KYNU: variants seen among roughly 807,000 people sequenced by gnomAD.
KYNU encodes kynureninase, also known as L-kynurenine hydrolase.
A neutral mutation model predicts 59.2 loss-of-function variants in KYNU; 54 were observed. That is an observed-to-expected ratio of 0.91 (90% CI 0.73 to 1.14). KYNU has a LOEUF of 1.14. Ranked by LOEUF, KYNU falls within the 50% of genes most tolerant of loss-of-function variation. The probability of loss-of-function intolerance (pLI) is 0.00; values close to 1 mark genes in which losing one functional copy is unlikely to be tolerated. For missense variants in KYNU, 567 were observed against 554.4 expected, an observed-to-expected ratio of 1.02 and a Z score of -0.23; for synonymous variants, 177 against 192.0, an observed-to-expected ratio of 0.92 and a Z score of 0.65.
At chr2:142,921,798 C>A (rs1328754691) in intron 3 of KYNU, among the ~76,000 whole-genome samples, 1 of 148,024 alleles carries the variant, frequency 6.8e-6, no homozygotes, top group Non-Finnish European at 1.5e-5. Context: ...TACAGCAAGA[C>A]CATGTCTTTA....
rs141632644 is a variant in KYNU, at chr2:142,960,766, C to T, written c.725C>T (p.Ala242Val). The T allele has an allele frequency of 9.1e-5, 147 of 1,613,606 alleles. No individual in the cohort carries two copies. The highest frequency in any genetic ancestry group is 1.7e-4 in the Admixed American group (10 of 59,974). ...NIPAITKAGQAKGCYVGFDLA... is the reference protein window; with the variant it reads ...NIPAITKAGQVKGCYVGFDLA... ...CCTGCCATCACAAAAGCTGGACAAGCGAAGGTATGCACGCCATTTACTTCT... is the reference window on the plus strand; with the variant it reads ...CCTGCCATCACAAAAGCTGGACAAGTGAAGGTATGCACGCCATTTACTTCT... Residue 242 changes from alanine to valine, a missense_variant, in exon 8 of 14, where the codon GCG becomes GTG. Ala to Val is a moderately conservative substitution (Grantham distance 64). Transcript: ENST00000264170.
At position 143,053,616 on chromosome 2, in the gene KYNU, ATCT is replaced by A. The variant is rs1687304804; in HGVS notation, c.*11445_*11447del. On this transcript the variant is annotated 3_prime_UTR_variant, in exon 14 of 14. Transcript: ENST00000264170. ...CATGATGGTGAGTAAGTCTCATGAG[ATCT>A]GATGGTTTTATAAAGGGGAGTTTCC... is the stretch of plus-strand genomic sequence containing the variant. The A allele has an allele frequency of 6.6e-6, 1 of 152,012 alleles. No homozygotes were observed. Among genetic ancestry groups the A allele is most frequent in the Non-Finnish European group, 1.5e-5 (1 of 68,080 alleles). 9.4% of individuals were successfully genotyped at this position (152,012 alleles called of 1,614,324 possible).
chr2:142,885,509 A>T lies in KYNU; in HGVS notation c.142A>T (p.Ile48Phe), dbSNP rs762184984. The T allele has an allele frequency of 7.4e-6, 12 of 1,613,652 alleles. No individual in the cohort carries two copies. The highest frequency in any genetic ancestry group is 3.3e-5 in the Admixed American group (2 of 59,998). ...KLRHFRECFYIPKIQDLPPVD... is the reference protein window; with the variant it reads ...KLRHFRECFYFPKIQDLPPVD... ...GAGGCACTTCAGGGAGTGCTTTTAT[A>T]TTCCCAAAATACAGGATCTGCCTCC... The change falls in exon 2 of 14, where the codon ATT (isoleucine) becomes TTT (phenylalanine). Residue 48 changes from isoleucine (I) to phenylalanine (F), a missense_variant. By Grantham distance (21) the Ile-to-Phe change is conservative. Coordinates refer to ENST00000264170, the MANE Select transcript of KYNU (RefSeq NM_003937.3).
intron 2 of KYNU, among the ~76,000 whole-genome samples, chr2:142,903,884 T>C (rs948813965): frequency 6.6e-6 from 1 of 152,206 alleles, no homozygotes; most frequent in Non-Finnish European, 1.5e-5. Context: ...CTATTAGGCA[T>C]TCAATTTGTC....
chr2:142,881,916 C>CTTTTTTTTTTTTTTTTTTTT (rs869099302), intron 1 of KYNU, among the ~76,000 whole-genome samples: 1 of 113,170 alleles, frequency 8.8e-6, no homozygotes, highest in African/African-American at 3.4e-5. Context: ...TTTCTTTTTT[C>CTTTTTTTTTTTTTTTTTTTT]TTTTTTTTTT....
chr2:143,031,817 T>G (rs542980451), intron 11 of KYNU, among the ~76,000 whole-genome samples: 29 of 152,330 alleles, frequency 1.9e-4, no homozygotes, highest in South Asian at 1.4e-3. Context: ...AGATACCACC[T>G]GAGACTCAGT....
At chr2:142,994,240 C>T (rs189056904) in intron 10 of KYNU, among the ~76,000 whole-genome samples, 1 of 152,074 alleles carries the variant, frequency 6.6e-6, no homozygotes, top group Non-Finnish European at 1.5e-5. Flanking sequence ...AGCAGCATTG[C>T]GAGCTGCCTC....
At chr2:142,905,732 T>C (rs969302477) in intron 2 of KYNU, among the ~76,000 whole-genome samples, 1 of 152,344 alleles carries the variant, frequency 6.6e-6, no homozygotes, top group Admixed American at 6.5e-5. Context: ...CAGTTACCGC[T>C]ACTGATTGAA....
chr2:142,900,742 C>T (rs1299533223), intron 2 of KYNU, among the ~76,000 whole-genome samples: 3 of 152,154 alleles, frequency 2.0e-5, no homozygotes, highest in Non-Finnish European at 2.9e-5. Flanking sequence ...GATGATTGCT[C>T]TAACTGCTTC....
Position 143,023,808 on chromosome 2 carries a change from CA to C in KYNU, c.903-5810del, listed in dbSNP as rs1024230706. On this transcript the variant is annotated intron_variant, in intron 10 of 13. Coordinates refer to ENST00000264170, the MANE Select transcript of KYNU (RefSeq NM_003937.3). ...CTAAATAAAAAATAAGTAAATTACT[CA>C]AAAAAAAAGCAAATCATCTCATGTT... is the stretch of plus-strand genomic sequence containing the variant. Among the ~76,000 whole-genome samples, 298 of 147,770 alleles carry C rather than the reference CA, an allele frequency of 2.0e-3. 1 individual carries two copies. The highest frequency in any genetic ancestry group is 6.7e-3 in the African/African-American group (270 of 40,368).
At chr2:142,969,564 TTC>T (rs1684654060) in intron 8 of KYNU, among the ~76,000 whole-genome samples, 1 of 152,212 alleles carries the variant, frequency 6.6e-6, no homozygotes, top group Non-Finnish European at 1.5e-5. Context: ...CTAAGAAGTC[TTC>T]ATCAGGTGTT....
intron 2 of KYNU, among the ~76,000 whole-genome samples, chr2:142,892,685 A>T (rs1681752860): frequency 6.6e-6 from 1 of 152,230 alleles, no homozygotes; most frequent in African/African-American, 2.4e-5. Context: ...CTGATTTAGT[A>T]GTAGGAGAGG....
At chr2:142,931,016 T>C (rs556543250) in intron 4 of KYNU, among the ~76,000 whole-genome samples, 2 of 152,338 alleles carry the variant, frequency 1.3e-5, no homozygotes, top group East Asian at 1.9e-4. Flanking sequence ...GGAAGTGTTC[T>C]AGTCTGACAT....
intron 8 of KYNU, among the ~76,000 whole-genome samples, chr2:142,978,815 A>G (rs981484783): frequency 6.6e-6 from 1 of 152,180 alleles, no homozygotes; most frequent in Admixed American, 6.6e-5. Context: ...ACTATTTTTC[A>G]TACCAAATTT....
intron 5 of KYNU, among the ~76,000 whole-genome samples, chr2:142,955,073 T>G (rs540827832): frequency 6.6e-6 from 1 of 152,164 alleles, no homozygotes; most frequent in Non-Finnish European, 1.5e-5. Context: ...AGAAGAGCTT[T>G]AGAATAATGA....
At chr2:143,028,691 C>CA (rs1686651058) in intron 10 of KYNU, among the ~76,000 whole-genome samples, 1 of 151,452 alleles carries the variant, frequency 6.6e-6, no homozygotes, top group African/African-American at 2.4e-5. Context: ...ACTAAAAATA[C>CA]AAAAAAGTTA....
intron 10 of KYNU, among the ~76,000 whole-genome samples, chr2:143,001,459 A>G (rs1302031857): frequency 6.6e-6 from 1 of 152,246 alleles, no homozygotes; most frequent in Non-Finnish European, 1.5e-5. Context: ...AATCAGGAGC[A>G]TAAACAATAG....
At chr2:142,911,361 T>G (rs554235849) in intron 2 of KYNU, among the ~76,000 whole-genome samples, 2 of 152,304 alleles carry the variant, frequency 1.3e-5, no homozygotes, top group East Asian at 3.9e-4. Context: ...GCTCTCAGCT[T>G]AAACATTCTT....
chr2:142,912,703 C>CTTTTTTTTTT (rs1163302368), intron 2 of KYNU, among the ~76,000 whole-genome samples: 2 of 71,836 alleles, frequency 2.8e-5, no homozygotes, highest in African/African-American at 1.4e-4. Flanking sequence ...TTCTTTCTTC[C>CTTTTTTTTTT]TTTTTTTTTT....
Sources: gnomAD v4.1 joint callset for allele counts (sites outside exome capture counted in the v4.1 genomes callset) on GRCh38, gnomAD v4.1.1 for gene constraint, MANE v1.5 for transcripts, NCBI Gene and HGNC (gene_info 2026-07-23, HGNC 2026-07-21) for gene names.